The following RNASEH2B variants were observed in gnomAD, a reference collection of about 807,000 sequenced individuals.
RNASEH2B encodes the protein Aicardi-Goutieres syndrome 2 protein.
RNASEH2B carries 36 observed loss-of-function variants against 45.0 expected under a neutral mutation model. The ratio of observed to expected loss-of-function variants is 0.80; its 90% CI spans 0.61 to 1.06. RNASEH2B has a LOEUF of 1.06. RNASEH2B is among the 50% of genes least tolerant of loss of function. The pLI is 0.00. For missense variants in RNASEH2B, 361 were observed against 360.3 expected, an observed-to-expected ratio of 1.00 and a Z score of -0.02; for synonymous variants, 119 against 125.7, an observed-to-expected ratio of 0.95 and a Z score of 0.35.
At chr13:50,935,853 A>T (rs61564818) in intron 5 of RNASEH2B, 1 of 152,602 alleles carries the variant, frequency 6.6e-6, no homozygotes, top group African/African-American at 2.4e-5. Context: ...AGTTTTAAGC[A>T]TGGCAGTCTG....
intron 1 of RNASEH2B, chr13:50,915,181 A>G (rs1331941711): frequency 2.7e-6 from 1 of 371,340 alleles, no homozygotes; most frequent in Non-Finnish European, 4.8e-6. Context: ...TGAACGAATA[A>G]AAGTCTCACA....
intron 9 of RNASEH2B, 126 bp from the exon 10 acceptor site, chr13:50,953,779 T>C (rs1031385765): frequency 1.5e-5 from 10 of 686,602 alleles, no homozygotes; most frequent in Non-Finnish European, 1.8e-5. Context: ...AAGTAAGCCC[T>C]TTGCTGGGTC....
At position 50,927,657 on chromosome 13, in the gene RNASEH2B, A is replaced by C. The variant is rs115967258; in HGVS notation, c.136+179A>C. On this transcript the variant is annotated intron_variant, in intron 2 of 10. Coordinates refer to ENST00000336617, the MANE Select transcript of RNASEH2B (RefSeq NM_024570.4). Reference sequence around the variant, plus strand: ...CTTCCCAGATAATTCATTTGACTTAAACATTTTAAAAATTTCTTCTCATAA... The same window carrying C: ...CTTCCCAGATAATTCATTTGACTTACACATTTTAAAAATTTCTTCTCATAA... Among the ~76,000 whole-genome samples the C allele has an allele frequency of 6.6e-3, 999 of 152,312 alleles. 14 individuals carry two copies. The highest frequency in any genetic ancestry group is 0.023 in the African/African-American group (952 of 41,564).
chr13:50,926,844 A>AT (rs1566078770), intron 1 of RNASEH2B, among the ~76,000 whole-genome samples: 2 of 151,766 alleles, frequency 1.3e-5, no homozygotes. Flanking sequence ...GTAAAAAAAA[A>AT]GCCAAATATC....
At chr13:50,953,174 A>G (rs1219566635) in intron 9 of RNASEH2B, 2 of 152,220 alleles carry the variant, frequency 1.3e-5, no homozygotes, top group East Asian at 1.9e-4. Context: ...CTTTTACATA[A>G]TAAGTGTGGC....
chr13:50,910,856 T>G (rs1879342110), intron 1 of RNASEH2B: 1 of 152,220 alleles, frequency 6.6e-6, no homozygotes, highest in Non-Finnish European at 1.5e-5. Context: ...TTTTTATATA[T>G]GTAACATTGG....
chr13:50,969,563 T>A (rs1952200847), intron 9 of RNASEH2B, among the ~76,000 whole-genome samples: 1 of 151,706 alleles, frequency 6.6e-6, no homozygotes. Context: ...GAATTACTCA[T>A]CTCAGAACGT....
intron 1 of RNASEH2B, chr13:50,927,150 T>C (rs2137923917): frequency 2.5e-6 from 1 of 405,258 alleles, no homozygotes; most frequent in African/African-American, 2.0e-5. Flanking sequence ...TAAGCCAAGA[T>C]TATCACCCAG....
intron 9 of RNASEH2B, among the ~76,000 whole-genome samples, chr13:50,966,784 A>G (rs1410551422): frequency 6.6e-6 from 1 of 152,210 alleles, no homozygotes; most frequent in Admixed American, 6.5e-5. Context: ...AGCAAGACAC[A>G]AAGGCAAGCT....
At chr13:50,945,292 CT>C in intron 6 of RNASEH2B, 134 bp from the exon 7 acceptor site, 1 of 677,398 alleles carries the variant, frequency 1.5e-6, no homozygotes, top group Non-Finnish European at 2.7e-6. Flanking sequence ...CTTCTGGTGT[CT>C]GGTGAAGATA....
chr13:50,913,660 TCCC>T (rs1223397488), intron 1 of RNASEH2B, among the ~76,000 whole-genome samples: 1 of 152,126 alleles, frequency 6.6e-6, no homozygotes, highest in East Asian at 1.9e-4. Context: ...AATAAAGTTA[TCCC>T]CCTTTATTTC....
intron 5 of RNASEH2B, chr13:50,935,290 C>G (rs1951733560): frequency 4.8e-6 from 2 of 416,778 alleles, no homozygotes; most frequent in South Asian, 5.7e-5. Flanking sequence ...AGGCAAGTCA[C>G]TCAGCTGCCT....
intron 2 of RNASEH2B, 62 bp from the exon 3 acceptor site, chr13:50,929,412 GT>G: frequency 1.1e-6 from 1 of 912,478 alleles, no homozygotes; most frequent in Non-Finnish European, 1.8e-6. Context: ...GTCTTTTGGG[GT>G]GTGTGTGTGT....
At chr13:50,969,687 C>T (rs996837440) in intron 9 of RNASEH2B, among the ~76,000 whole-genome samples, 1 of 152,026 alleles carries the variant, frequency 6.6e-6, no homozygotes, top group Non-Finnish European at 1.5e-5. Flanking sequence ...CAAAGAAAAA[C>T]ATACTTCTTG....
rs542466157 is a variant in RNASEH2B at position 50,940,118 on chromosome 13, A to C, written c.437-3203A>C. Among the ~76,000 whole-genome samples, 5 of 152,326 alleles carry C rather than the reference A, an allele frequency of 3.3e-5. No homozygotes were observed. In the South Asian group the frequency reaches 1.0e-3, roughly 32 times the overall value. ...CTGCTAGCTGCAACAAAATGGATGA[A>C]TCTCACAGAAATAATGTTGAGCAAA... is the stretch of plus-strand genomic sequence containing the variant. On this transcript the variant is annotated intron_variant, in intron 5 of 10. Transcript: ENST00000336617.
At chr13:50,932,425 A>C (rs937171851) in intron 4 of RNASEH2B, among the ~76,000 whole-genome samples, 2 of 152,218 alleles carry the variant, frequency 1.3e-5, no homozygotes, top group Non-Finnish European at 2.9e-5. Context: ...TTGCTCAAGG[A>C]TATTCTTAAG....
In RNASEH2B at chr13:50,943,695, A is replaced by G. The variant is rs184563750; in HGVS notation, c.510+301A>G. ...TGAGTCTTCCAAGTAAGAGGATACC[A>G]GGCTTGGCACTTGTTGGCCACTGTC... On this transcript the variant is annotated intron_variant, in intron 6 of 10. Transcript: ENST00000336617. Among the ~76,000 whole-genome samples, 4 of 152,308 alleles carry G rather than the reference A, an allele frequency of 2.6e-5. No homozygotes were observed. The East Asian group carries it at 7.7e-4, about 29-fold the overall frequency.
chr13:50,946,377 T>A (rs998084901), intron 7 of RNASEH2B, among the ~76,000 whole-genome samples: 1 of 152,214 alleles, frequency 6.6e-6, no homozygotes, highest in Non-Finnish European at 1.5e-5. Flanking sequence ...TTGATAGTAA[T>A]TCAGGCAATC....
chr13:50,913,237 C>T (rs762114019), intron 1 of RNASEH2B: 2 of 152,160 alleles, frequency 1.3e-5, no homozygotes, highest in African/African-American at 2.4e-5. Context: ...CATTACTTTA[C>T]TTTTTGGAAA....
Sources: allele counts gnomAD v4.1 joint callset (sites outside exome capture counted in the v4.1 genomes callset), GRCh38; gene constraint gnomAD v4.1.1; transcripts MANE v1.5; gene names NCBI Gene and HGNC (gene_info 2026-07-23, HGNC 2026-07-21).